Variants in RBFOX1 observed in about 807,000 individuals in gnomAD.
RBFOX1 encodes RNA binding protein fox-1 homolog 1.
A neutral mutation model predicts 57.7 loss-of-function variants in RBFOX1; 8 were observed. The observed-to-expected ratio is 0.14, with a 90% confidence interval of 0.08 to 0.25. The LOEUF (loss-of-function observed/expected upper bound fraction) is 0.25. Among genes scored for constraint, RBFOX1 ranks in the 10% least tolerant of loss-of-function variants. The probability of loss-of-function intolerance (pLI) is 1.00; values close to 1 mark genes in which losing one functional copy is unlikely to be tolerated. For missense variants in RBFOX1, 611 were observed against 548.5 expected, an observed-to-expected ratio of 1.11 and a Z score of -1.14; for synonymous variants, 326 against 222.4, an observed-to-expected ratio of 1.47 and a Z score of -4.15.
Position 7,707,319 on chromosome 16 carries a change from G to C in RBFOX1, c.996-1737G>C, listed in dbSNP as rs1027178455. ...TTTCTTCACCTTCTCAGACTCCATG[G>C]TGTGAGGTGGTCAAACATGTATTGG... On this transcript the variant is annotated intron_variant, in intron 14 of 15. Transcript: ENST00000550418. 7.9e-5 allele frequency among the ~76,000 whole-genome samples: 12 copies of C among 152,090 alleles called. No homozygotes were observed. The East Asian group carries it at 2.3e-3, about 29-fold the overall frequency.
At chr16:6,988,266 C>G (rs563296519) in intron 3 of RBFOX1, among the ~76,000 whole-genome samples, 1 of 152,294 alleles carries the variant, frequency 6.6e-6, no homozygotes, top group Non-Finnish European at 1.5e-5. Context: ...TTTCTCCTCT[C>G]AGCAAAGCCC....
chr16:6,907,294 T>C (rs1009295578), intron 3 of RBFOX1, among the ~76,000 whole-genome samples: 5 of 152,246 alleles, frequency 3.3e-5, no homozygotes, highest in South Asian at 2.1e-4. Context: ...TCTTTACCGA[T>C]GTGCCTCCTT....
At chr16:7,706,425 G>A (rs1043983344) in intron 14 of RBFOX1, among the ~76,000 whole-genome samples, 1 of 152,178 alleles carries the variant, frequency 6.6e-6, no homozygotes, top group Non-Finnish European at 1.5e-5. Context: ...TTCCACAAAG[G>A]TTGAAACTAT....
intron 2 of RBFOX1, chr16:5,598,862 C>G (rs1482766306): frequency 7.0e-7 from 1 of 1,434,682 alleles, no homozygotes; most frequent in Non-Finnish European, 9.2e-7. Flanking sequence ...CTCAACCCGG[C>G]TTCCCCAACC....
intron 10 of RBFOX1, among the ~76,000 whole-genome samples, chr16:7,619,132 A>G (rs2141937144): frequency 6.6e-6 from 1 of 152,320 alleles, no homozygotes; most frequent in East Asian, 1.9e-4. Flanking sequence ...AATCTGATGC[A>G]AAGGTTAATC....
At chr16:6,607,875 C>T (rs942552852) in intron 2 of RBFOX1, among the ~76,000 whole-genome samples, 6 of 152,150 alleles carry the variant, frequency 3.9e-5, no homozygotes, top group African/African-American at 9.7e-5. Context: ...TTAAAATTCT[C>T]TTTGTCCACA....
intron 3 of RBFOX1, among the ~76,000 whole-genome samples, chr16:5,843,119 G>A (rs112615751): frequency 5.9e-5 from 9 of 152,182 alleles, no homozygotes; most frequent in Non-Finnish European, 1.0e-4. Context: ...GAGCCACCAC[G>A]CCAGGCCTAT....
At chr16:7,365,571 C>G (rs1279010963) in intron 4 of RBFOX1, among the ~76,000 whole-genome samples, 1 of 152,152 alleles carries the variant, frequency 6.6e-6, no homozygotes, top group Non-Finnish European at 1.5e-5. Context: ...CTGACATCTA[C>G]GGGATAGAGG....
At position 7,131,427 on chromosome 16, in the gene RBFOX1, A is replaced by C. The variant is rs117553418; in HGVS notation, c.27+79329A>C. ...AGTGCCTACTTATGTTTTAAGTTAT[A>C]GTTGGCCACTTTACATCTCTTGCTT... On this transcript the variant is annotated intron_variant, in intron 4 of 15. Coordinates refer to ENST00000550418, the MANE Select transcript of RBFOX1 (RefSeq NM_018723.4). Among the ~76,000 whole-genome samples the C allele has an allele frequency of 4.0e-4, 55 of 138,564 alleles. 1 individual carries two copies. The East Asian group carries it at 0.012, about 31-fold the overall frequency. 90.9% of individuals were successfully genotyped at this position (138,564 alleles called of 152,430 possible).
chr16:7,395,174 T>TC (rs1455348650), intron 4 of RBFOX1, among the ~76,000 whole-genome samples: 3 of 152,132 alleles, frequency 2.0e-5, no homozygotes, highest in Non-Finnish European at 2.9e-5. Flanking sequence ...TTTTTTTTTT[T>TC]TCCCTGACAG....
At chr16:6,897,137 A>C (rs2067135357) in intron 3 of RBFOX1, among the ~76,000 whole-genome samples, 2 of 152,206 alleles carry the variant, frequency 1.3e-5, no homozygotes, top group African/African-American at 2.4e-5. Flanking sequence ...ATTGCTGACA[A>C]ATAACTTGCC....
At chr16:5,332,231 C>A (rs890439256) in intron 1 of RBFOX1, among the ~76,000 whole-genome samples, 1 of 152,106 alleles carries the variant, frequency 6.6e-6, no homozygotes, top group African/African-American at 2.4e-5. Context: ...TTTTTACCCA[C>A]GCAGAGGCAT....
chr16:5,838,941 G>C (rs1317601228), intron 3 of RBFOX1, among the ~76,000 whole-genome samples: 2 of 152,154 alleles, frequency 1.3e-5, no homozygotes, highest in Non-Finnish European at 2.9e-5. Context: ...TTCTCAGCTG[G>C]AGGAAAAGTT....
chr16:7,447,848 G>C (rs2098820690), intron 4 of RBFOX1, among the ~76,000 whole-genome samples: 2 of 152,240 alleles, frequency 1.3e-5, no homozygotes, highest in Admixed American at 1.3e-4. Flanking sequence ...GCCTAGAACA[G>C]ATTTTTCTGT....
chr16:7,633,797 G>A (rs750082544), intron 11 of RBFOX1, among the ~76,000 whole-genome samples: 1 of 152,096 alleles, frequency 6.6e-6, no homozygotes, highest in Non-Finnish European at 1.5e-5. Context: ...AAGTTTATCC[G>A]CAAATCCCTA....
intron 4 of RBFOX1, among the ~76,000 whole-genome samples, chr16:5,911,569 C>T (rs181051470): frequency 1.2e-4 from 18 of 152,316 alleles, no homozygotes; most frequent in African/African-American, 3.1e-4. Flanking sequence ...TGCACTAATC[C>T]CATTTCTAGC....
chr16:6,792,285 C>A (rs945597989), intron 3 of RBFOX1, among the ~76,000 whole-genome samples: 3 of 152,156 alleles, frequency 2.0e-5, no homozygotes, highest in African/African-American at 7.2e-5. Context: ...TACATAAATA[C>A]ATCTAAAGTT....
chr16:5,880,719 C>A (rs955896071), intron 4 of RBFOX1, among the ~76,000 whole-genome samples: 5 of 152,096 alleles, frequency 3.3e-5, no homozygotes, highest in African/African-American at 1.2e-4. Flanking sequence ...TGTTTCATGA[C>A]CCCCTTGGAC....
intron 4 of RBFOX1, among the ~76,000 whole-genome samples, chr16:7,458,328 C>T (rs2058927428): frequency 6.6e-6 from 1 of 152,106 alleles, no homozygotes; most frequent in Non-Finnish European, 1.5e-5. Context: ...TCTGCCGTGT[C>T]CCTGGGCCAG....
Sources: allele counts gnomAD v4.1 joint callset (sites outside exome capture counted in the v4.1 genomes callset), GRCh38; gene constraint gnomAD v4.1.1; transcripts MANE v1.5; gene names NCBI Gene and HGNC (gene_info 2026-07-23, HGNC 2026-07-21).